HHAT: variants seen among roughly 807,000 people sequenced by gnomAD.
The protein encoded by HHAT is protein-cysteine N-palmitoyltransferase HHAT.
A neutral mutation model predicts 70.8 loss-of-function variants in HHAT; 47 were observed. The ratio of observed to expected loss-of-function variants is 0.66; its 90% CI spans 0.53 to 0.85. The LOEUF (loss-of-function observed/expected upper bound fraction) is 0.85. Ranked by LOEUF, HHAT falls within the 40% of genes least tolerant of loss-of-function variation. HHAT has a pLI of 0.00. For synonymous variants in HHAT, 228 were observed against 247.6 expected, an observed-to-expected ratio of 0.92 and a Z score of 0.74; for missense variants, 609 against 604.8, an observed-to-expected ratio of 1.01 and a Z score of -0.07.
chr1:210,661,334 A>G (rs1473593890), intron 11 of HHAT, among the ~76,000 whole-genome samples: 1 of 151,990 alleles, frequency 6.6e-6, no homozygotes, highest in Non-Finnish European at 1.5e-5. Context: ...CACAATGCAA[A>G]TCAAAACCAC....
At chr1:210,643,755 CA>C (rs1673438554) in intron 11 of HHAT, among the ~76,000 whole-genome samples, 1 of 151,446 alleles carries the variant, frequency 6.6e-6, no homozygotes, top group Non-Finnish European at 1.5e-5. Context: ...GAAAAAGGAA[CA>C]TCTTATTCAA....
At chr1:210,353,744 C>T (rs981560100) in intron 2 of HHAT, among the ~76,000 whole-genome samples, 13 of 152,026 alleles carry the variant, frequency 8.6e-5, no homozygotes, top group South Asian at 2.1e-4. Flanking sequence ...CTTTGATCAA[C>T]GGTGCCAGAG....
intron 3 of HHAT, chr1:210,374,045 TTGCAAGTTC>T (rs1367306780): frequency 1.3e-5 from 2 of 152,222 alleles, no homozygotes; most frequent in Non-Finnish European, 2.9e-5. Flanking sequence ...TTAACTGTCT[TTGCAAGTTC>T]TGTTACACAA....
At chr1:210,410,523 ATTTTTTTT>A (rs35608235) in intron 6 of HHAT, among the ~76,000 whole-genome samples, 12 of 116,418 alleles carry the variant, frequency 1.0e-4, no homozygotes, top group East Asian at 4.9e-4. Flanking sequence ...TTATTTGTAA[ATTTTTTTT>A]TTTTTTTTTT....
chr1:210,569,550 T>G (rs1207104471), intron 9 of HHAT, among the ~76,000 whole-genome samples: 1 of 152,062 alleles, frequency 6.6e-6, no homozygotes, highest in African/African-American at 2.4e-5. Context: ...TTGTCAACTT[T>G]TAGGATTTTT....
intron 8 of HHAT, among the ~76,000 whole-genome samples, chr1:210,511,630 G>A (rs2094953108): frequency 6.6e-6 from 1 of 151,964 alleles, no homozygotes; most frequent in Non-Finnish European, 1.5e-5. Context: ...CCTCTTGTCT[G>A]AAAGGGACAG....
chr1:210,634,912 A>T (rs1330792606), intron 11 of HHAT, among the ~76,000 whole-genome samples: 5 of 152,192 alleles, frequency 3.3e-5, no homozygotes, highest in Admixed American at 3.3e-4. Context: ...AGAAAGAGGG[A>T]CAGTGGTCAG....
intron 10 of HHAT, among the ~76,000 whole-genome samples, chr1:210,623,219 A>G (rs111742222): frequency 2.9e-3 from 446 of 152,228 alleles, no homozygotes; most frequent in Middle Eastern, 0.02. Context: ...CTACAGTCAT[A>G]TGCCACCATG....
intron 9 of HHAT, among the ~76,000 whole-genome samples, chr1:210,530,306 T>G (rs1368527290): frequency 6.6e-6 from 1 of 152,142 alleles, no homozygotes; most frequent in Non-Finnish European, 1.5e-5. Context: ...CATATTCTAG[T>G]AAATACATAT....
At chr1:210,572,908 T>A (rs1233089097) in intron 9 of HHAT, among the ~76,000 whole-genome samples, 1 of 152,148 alleles carries the variant, frequency 6.6e-6, no homozygotes, top group Non-Finnish European at 1.5e-5. Flanking sequence ...AACTCTCCCC[T>A]GTGCATTTTG....
intron 3 of HHAT, among the ~76,000 whole-genome samples, chr1:210,368,802 G>A (rs1047048301): frequency 1.6e-4 from 24 of 150,814 alleles, no homozygotes; most frequent in Non-Finnish European, 2.9e-4. Context: ...TCTTGGTCGG[G>A]CACAGTGGCT....
intron 7 of HHAT, among the ~76,000 whole-genome samples, chr1:210,455,935 A>G (rs1439831513): frequency 6.6e-6 from 1 of 152,136 alleles, no homozygotes; most frequent in East Asian, 1.9e-4. Flanking sequence ...GAGAGACGAG[A>G]TGGAACTGTC....
chr1:210,584,846 C>T (rs1660082345), intron 9 of HHAT, among the ~76,000 whole-genome samples: 1 of 152,182 alleles, frequency 6.6e-6, no homozygotes, highest in Non-Finnish European at 1.5e-5. Flanking sequence ...CAGGTTTGCC[C>T]ATCCTTATAG....
At chr1:210,358,767 T>G (rs917124639) in intron 2 of HHAT, among the ~76,000 whole-genome samples, 1 of 151,854 alleles carries the variant, frequency 6.6e-6, no homozygotes, top group East Asian at 1.9e-4. Flanking sequence ...CAGACTAGGG[T>G]GTGTGTGTGT....
intron 4 of HHAT, among the ~76,000 whole-genome samples, chr1:210,390,017 A>G (rs1284394187): frequency 6.6e-6 from 1 of 152,160 alleles, no homozygotes; most frequent in Non-Finnish European, 1.5e-5. Flanking sequence ...TTGGTTAGAC[A>G]TTTCATCCTT....
At chr1:210,527,967 C>A (rs2095270867) in intron 9 of HHAT, among the ~76,000 whole-genome samples, 2 of 152,142 alleles carry the variant, frequency 1.3e-5, no homozygotes, top group South Asian at 4.1e-4. Context: ...ACGCATGAAC[C>A]CATTCATTTG....
intron 8 of HHAT, among the ~76,000 whole-genome samples, chr1:210,486,564 A>G (rs148160673): frequency 0.011 from 1,686 of 152,290 alleles, 19 homozygotes; most frequent in Non-Finnish European, 0.015. Flanking sequence ...TGTTCTTTTG[A>G]GTGGACAGAG....
chr1:210,636,296 C>T (rs1356567874), intron 11 of HHAT, among the ~76,000 whole-genome samples: 1 of 152,206 alleles, frequency 6.6e-6, no homozygotes, highest in African/African-American at 2.4e-5. Context: ...GAGGGATTCA[C>T]TTCCCTCCCC....
chr1:210,477,261 T>G (rs1250767403), intron 8 of HHAT, among the ~76,000 whole-genome samples: 1 of 152,122 alleles, frequency 6.6e-6, no homozygotes, highest in East Asian at 1.9e-4. Flanking sequence ...CACAAAAACT[T>G]GGGAAAAATG....
Sources: gnomAD v4.1 joint callset for allele counts (sites outside exome capture counted in the v4.1 genomes callset) on GRCh38, gnomAD v4.1.1 for gene constraint, MANE v1.5 for transcripts, NCBI Gene and HGNC (gene_info 2026-07-23, HGNC 2026-07-21) for gene names.